Variants in LRRC37A2 observed in about 807,000 individuals in gnomAD.
LRRC37A2 encodes leucine rich repeat containing 37 member A2, also known as leucine-rich repeat-containing protein 37A2.
LRRC37A2 carries 9 observed loss-of-function variants against 68.8 expected under a neutral mutation model. That is an observed-to-expected ratio of 0.13 (90% CI 0.08 to 0.23). LRRC37A2 has a LOEUF of 0.23. Among genes scored for constraint, LRRC37A2 ranks in the 10% least tolerant of loss-of-function variants. LRRC37A2 has a pLI of 1.00. For synonymous variants in LRRC37A2, 63 were observed against 367.6 expected (o/e 0.17, Z 9.48); for missense variants, 168 against 950.4 (o/e 0.18, Z 10.82).
the LRRC37A2 span, among the ~76,000 whole-genome samples, chr17:46,992,293 G>A: frequency 4.6e-5 from 7 of 152,114 alleles, no homozygotes; most frequent in African/African-American, 9.7e-5. Flanking sequence ...ACTTGAACCC[G>A]GGAAGTGGAG....
the LRRC37A2 span, chr17:46,768,597 G>C: frequency 6.2e-7 from 1 of 1,614,186 alleles, no homozygotes; most frequent in South Asian, 1.1e-5. This position sits in a 1 kb window ranked among gnomAD's most constrained non-coding sequence, Gnocchi z 5.0. Context: ...CTTGAAGAGC[G>C]AGTACTTGGC....
At chr17:46,894,715 TC>T in the LRRC37A2 span, among the ~76,000 whole-genome samples, 1 of 151,930 alleles carries the variant, frequency 6.6e-6, no homozygotes, top group East Asian at 1.9e-4. Flanking sequence ...ACGAGCTCAC[TC>T]CCCCCACCTG....
the LRRC37A2 span, among the ~76,000 whole-genome samples, chr17:46,962,469 A>G: frequency 6.6e-6 from 1 of 152,206 alleles, no homozygotes; most frequent in Non-Finnish European, 1.5e-5. Flanking sequence ...ATTTTAATAA[A>G]CAGGATGTGG....
At chr17:47,021,959 T>C in the LRRC37A2 span, 18 of 1,474,706 alleles carry the variant, frequency 1.2e-5, no homozygotes, top group Non-Finnish European at 1.7e-5. Context: ...AAAAGCTAAC[T>C]GCATTGTAAG....
the LRRC37A2 span, among the ~76,000 whole-genome samples, chr17:46,708,031 CAAAA>C: frequency 5.8e-5 from 5 of 85,548 alleles, no homozygotes; most frequent in Middle Eastern, 5.9e-3. Flanking sequence ...GACCCTGTCT[CAAAA>C]AAAAAAAAAA....
At chr17:46,732,033 GT>G in the LRRC37A2 span, among the ~76,000 whole-genome samples, 1 of 152,118 alleles carries the variant, frequency 6.6e-6, no homozygotes, top group Non-Finnish European at 1.5e-5. Flanking sequence ...TTAGCATATA[GT>G]TTTTTCAGAT....
chr17:46,844,762 T>A, the LRRC37A2 span, among the ~76,000 whole-genome samples: 2 of 152,196 alleles, frequency 1.3e-5, no homozygotes, highest in East Asian at 3.8e-4. Context: ...ATGGCATATT[T>A]TTAAACTTCT....
At chr17:46,898,052 A>T in the LRRC37A2 span, among the ~76,000 whole-genome samples, 1 of 152,136 alleles carries the variant, frequency 6.6e-6, no homozygotes, top group Admixed American at 6.5e-5. Context: ...AGGAGGTTGT[A>T]TGAATGTTCC....
chr17:46,855,960 C>T, the LRRC37A2 span, among the ~76,000 whole-genome samples: 1 of 152,126 alleles, frequency 6.6e-6, no homozygotes, highest in Non-Finnish European at 1.5e-5. Context: ...AACTGCTGGG[C>T]TTATAGGTGT....
At chr17:46,785,512 GC>G in the LRRC37A2 span, among the ~76,000 whole-genome samples, 1 of 152,244 alleles carries the variant, frequency 6.6e-6, no homozygotes, top group Non-Finnish European at 1.5e-5. Context: ...GGCCCCAGGA[GC>G]CCCGGAAACT....
chr17:46,751,551 G>A, the LRRC37A2 span: 1 of 1,614,096 alleles, frequency 6.2e-7, no homozygotes, highest in Non-Finnish European at 8.5e-7. Flanking sequence ...TGCACAGCAA[G>A]TCAAAGGGAA....
At chr17:46,930,881 G>T in the LRRC37A2 span, 3 of 516,588 alleles carry the variant, frequency 5.8e-6, no homozygotes, top group Non-Finnish European at 6.9e-6. Context: ...AATTGGCATT[G>T]TTATGTCATT....
the LRRC37A2 span, among the ~76,000 whole-genome samples, chr17:46,789,049 T>C: frequency 6.6e-6 from 1 of 152,216 alleles, no homozygotes; most frequent in South Asian, 2.1e-4. Flanking sequence ...ACCAGCCTGG[T>C]GTGTGTCTTT....
At chr17:46,994,599 C>T in the LRRC37A2 span, among the ~76,000 whole-genome samples, 1 of 151,990 alleles carries the variant, frequency 6.6e-6, no homozygotes, top group Non-Finnish European at 1.5e-5. Context: ...TGCTAGTCTA[C>T]AGTAAAATTT....
the LRRC37A2 span, among the ~76,000 whole-genome samples, chr17:46,827,631 G>A: frequency 3.3e-5 from 5 of 152,134 alleles, no homozygotes; most frequent in African/African-American, 1.2e-4. Flanking sequence ...ACTTGAGGCT[G>A]TTACTTGTAG....
the LRRC37A2 span, among the ~76,000 whole-genome samples, chr17:46,934,055 T>C: frequency 1.3e-5 from 2 of 152,124 alleles, no homozygotes; most frequent in Admixed American, 1.3e-4. Context: ...CTCCTGCCTA[T>C]AGTCCACTTT....
the LRRC37A2 span, among the ~76,000 whole-genome samples, chr17:46,989,210 T>G: frequency 6.6e-6 from 1 of 152,358 alleles, no homozygotes; most frequent in Non-Finnish European, 1.5e-5. Flanking sequence ...TAGGGACTCC[T>G]GTCACCTGCT....
chr17:46,771,766 C>T, the LRRC37A2 span, among the ~76,000 whole-genome samples: 4 of 580 alleles, frequency 6.9e-3, no homozygotes, highest in Non-Finnish European at 0.016. Flanking sequence ...CGCCCCCGCG[C>T]CGCGCCGCGC....
chr17:46,737,206 G>T, the LRRC37A2 span, among the ~76,000 whole-genome samples: 6 of 152,142 alleles, frequency 3.9e-5, no homozygotes, highest in African/African-American at 7.2e-5. Context: ...TGTGCACAAG[G>T]TGGGCACAGG....
Sources: gnomAD v4.1 joint callset for allele counts (sites outside exome capture counted in the v4.1 genomes callset) on GRCh38, gnomAD v4.1.1 for gene constraint, Gnocchi (gnomAD v3.1) non-coding constraint, MANE v1.5 for transcripts, NCBI Gene and HGNC (gene_info 2026-07-23, HGNC 2026-07-21) for gene names.